The following NHSL1 variants were observed in gnomAD, a reference collection of about 807,000 sequenced individuals.
NHSL1 encodes NHS-like protein 1.
In NHSL1, 48 loss-of-function variants were observed where a neutral mutation model predicts 95.0. That is an observed-to-expected ratio of 0.51 (90% CI 0.40 to 0.64). The LOEUF is 0.64. NHSL1 is among the 30% of genes least tolerant of loss of function. NHSL1 has a pLI of 0.00. For missense variants in NHSL1, 1,971 were observed against 2,077.7 expected, an observed-to-expected ratio of 0.95 and a Z score of 1.00; for synonymous variants, 783 against 833.9, an observed-to-expected ratio of 0.94 and a Z score of 1.05.
chr6:138,584,563 G>T (rs1347705130), intron 1 of NHSL1, among the ~76,000 whole-genome samples: 1 of 152,152 alleles, frequency 6.6e-6, no homozygotes, highest in Non-Finnish European at 1.5e-5. Context: ...CAGTCTTAAA[G>T]TAATGAACTT....
At chr6:138,610,289 G>A (rs1339790499) in intron 1 of NHSL1, among the ~76,000 whole-genome samples, 2 of 151,956 alleles carry the variant, frequency 1.3e-5, no homozygotes, top group African/African-American at 2.4e-5. Flanking sequence ...CTATCGCAAC[G>A]ACAAACAACC....
chr6:138,464,163 C>A (rs907487526), intron 3 of NHSL1: 33 of 611,290 alleles, frequency 5.4e-5, no homozygotes, highest in Non-Finnish European at 8.4e-5. Flanking sequence ...TGATGGGAAG[C>A]AGTACAGTTA....
At chr6:138,463,522 T>A (rs1032821422) in intron 3 of NHSL1, among the ~76,000 whole-genome samples, 13 of 147,188 alleles carry the variant, frequency 8.8e-5, no homozygotes, top group South Asian at 2.1e-4. Context: ...TTTTTTTTTT[T>A]AAAGTTTTAT....
intron 1 of NHSL1, among the ~76,000 whole-genome samples, chr6:138,607,477 AT>A (rs982281826): frequency 1.3e-5 from 2 of 152,252 alleles, no homozygotes; most frequent in Non-Finnish European, 2.9e-5. Context: ...GTAATTTTCA[AT>A]TTAGCACAAC....
chr6:138,629,792 C>T (rs1040735743), intron 1 of NHSL1, among the ~76,000 whole-genome samples: 2 of 152,226 alleles, frequency 1.3e-5, no homozygotes, highest in Non-Finnish European at 2.9e-5. Context: ...TTCTTTCTAA[C>T]CATATGTGAA....
At chr6:138,497,611 G>A (rs1780432368) in intron 1 of NHSL1, among the ~76,000 whole-genome samples, 1 of 152,112 alleles carries the variant, frequency 6.6e-6, no homozygotes, top group Non-Finnish European at 1.5e-5. Flanking sequence ...AGTTATTAGG[G>A]CTACTCTAAA....
chr6:138,654,251 A>G (rs1785128216), intron 1 of NHSL1, among the ~76,000 whole-genome samples: 1 of 152,156 alleles, frequency 6.6e-6, no homozygotes. Context: ...ACAAGACTTT[A>G]TTTTTTCTTA....
At chr6:138,427,886 A>C (rs1283045599) in intron 7 of NHSL1, among the ~76,000 whole-genome samples, 1 of 152,248 alleles carries the variant, frequency 6.6e-6, no homozygotes, top group Non-Finnish European at 1.5e-5. Context: ...ACGCTACAAC[A>C]GAAATTAGCA....
intron 2 of NHSL1, among the ~76,000 whole-genome samples, chr6:138,493,568 A>G (rs1780192229): frequency 6.6e-6 from 1 of 152,272 alleles, no homozygotes; most frequent in Admixed American, 6.5e-5. Context: ...TCAAACTCAC[A>G]CATACCTTCA....
intron 2 of NHSL1, among the ~76,000 whole-genome samples, chr6:138,478,085 A>G (rs1779198717): frequency 7.6e-6 from 1 of 131,086 alleles, no homozygotes; most frequent in African/African-American, 3.0e-5. Flanking sequence ...AACAGAGTGC[A>G]ATGGTGCAAC....
At chr6:138,691,188 T>C (rs1340358592) in intron 1 of NHSL1, among the ~76,000 whole-genome samples, 1 of 152,220 alleles carries the variant, frequency 6.6e-6, no homozygotes, top group African/African-American at 2.4e-5. Flanking sequence ...TCTGATTATG[T>C]CAACAACCTT....
At position 138,431,982 on chromosome 6, in the gene NHSL1, C is replaced by A. The variant is rs775796733; in HGVS notation, c.2363G>T (p.Gly788Val). ...DPWGYYIDYT[G>V]MQEDPGNPAG... ...CGGGTTCCCCGGATCTTCCTGCATG[C>A]CCGTGTAGTCAATGTAATAACCCCA... The change falls in exon 6 of 8, where the codon GGC (glycine) becomes GTC (valine). Residue 788 changes from glycine to valine, a missense_variant. Physicochemically the swap from Gly to Val is moderately radical, Grantham distance 109. Around this residue, in one of 3 missense-constraint regions of NHSL1, gnomAD observed 1,602 missense variants for 1,654.5 expected, o/e 0.97. Transcript: ENST00000343505. The surrounding 1 kb of genome is among the most constrained non-coding windows in gnomAD (Gnocchi z 4.0). The A allele has an allele frequency of 1.1e-4, 173 of 1,551,652 alleles. No individual in the cohort carries two copies. Among genetic ancestry groups the A allele is most frequent in the Non-Finnish European group, 1.4e-4 (164 of 1,147,016 alleles).
chr6:138,599,912 C>A (rs912033556), intron 1 of NHSL1, among the ~76,000 whole-genome samples: 5 of 151,720 alleles, frequency 3.3e-5, no homozygotes, highest in Admixed American at 3.3e-4. Context: ...GAGGCCGAGG[C>A]GGGTGGATCA....
At chr6:138,670,807 C>T (rs988018714) in intron 1 of NHSL1, among the ~76,000 whole-genome samples, 1 of 151,880 alleles carries the variant, frequency 6.6e-6, no homozygotes, top group Non-Finnish European at 1.5e-5. Context: ...AATGAAAAAC[C>T]TGATAGCAAA....
chr6:138,571,585 C>A, intron 1 of NHSL1: 1 of 867,156 alleles, frequency 1.2e-6, no homozygotes, highest in South Asian at 1.8e-5. Flanking sequence ...AATTCCAATA[C>A]AAAAACAAAC....
In NHSL1 at chr6:138,473,292, A is replaced by T; in HGVS notation, c.339+14T>A. ...GACCCAACCCAGGACCCCGTGTTGAACTTTGAAGCTTACCTTTTGATCTGT... is the reference window on the plus strand; with the variant it reads ...GACCCAACCCAGGACCCCGTGTTGATCTTTGAAGCTTACCTTTTGATCTGT... On this transcript the variant is annotated intron_variant, in intron 3 of 7. Coordinates refer to ENST00000343505, the MANE Select transcript of NHSL1 (RefSeq NM_001144060.2). The T allele has an allele frequency of 6.5e-7, 1 of 1,531,316 alleles. No homozygotes were observed. The highest frequency in any genetic ancestry group is 2.0e-4 in the Middle Eastern group (1 of 5,056). The allele number at this position is 1,531,316 out of a possible 1,614,324, so 94.9% of individuals were successfully genotyped here.
chr6:138,618,246 C>G (rs146362415), intron 1 of NHSL1, among the ~76,000 whole-genome samples: 2 of 152,188 alleles, frequency 1.3e-5, no homozygotes, highest in African/African-American at 4.8e-5. Flanking sequence ...AATAGCTACA[C>G]GCCCAGGCCC....
rs572261664 is a variant in NHSL1, at chr6:138,529,262, T to G, written c.16+16361A>C. On this transcript the variant is annotated intron_variant, in intron 1 of 4. Coordinates refer to the NHSL1 transcript ENST00000342260. ...AGGTGTCAGAAAGGTCATTCAATTTTGGTGTTTATCAGACATTGTCCAATA... is the reference window on the plus strand; with the variant it reads ...AGGTGTCAGAAAGGTCATTCAATTTGGGTGTTTATCAGACATTGTCCAATA... Among the ~76,000 whole-genome samples the G allele has an allele frequency of 3.2e-4, 48 of 152,310 alleles. No homozygotes were observed. In the South Asian group the frequency reaches 1.0e-2, roughly 32 times the overall value.
At chr6:138,684,462 A>G (rs780644324) in intron 1 of NHSL1, among the ~76,000 whole-genome samples, 11 of 152,138 alleles carry the variant, frequency 7.2e-5, no homozygotes, top group Non-Finnish European at 1.6e-4. Flanking sequence ...CCTGGCCAAC[A>G]TGGCAAAACC....
Sources: allele counts gnomAD v4.1 joint callset (sites outside exome capture counted in the v4.1 genomes callset), GRCh38; gene constraint gnomAD v4.1.1; regional missense constraint gnomAD v4.1.1; non-coding constraint Gnocchi (gnomAD v3.1); transcripts MANE v1.5; gene names NCBI Gene and HGNC (gene_info 2026-07-23, HGNC 2026-07-21).